XRCC5: variants seen among roughly 807,000 people sequenced by gnomAD.
XRCC5 encodes the protein DNA repair protein Ku80.
XRCC5 carries 12 observed loss-of-function variants against 95.7 expected under a neutral mutation model. The ratio of observed to expected loss-of-function variants is 0.13; its 90% confidence interval spans 0.08 to 0.20. The LOEUF is 0.20. Ranked by LOEUF, XRCC5 falls within the 10% of genes least tolerant of loss-of-function variation. XRCC5 has a pLI of 1.00. For synonymous variants in XRCC5, 281 were observed against 290.3 expected, an observed-to-expected ratio of 0.97 and a Z score of 0.33; for missense variants, 595 against 873.9, an observed-to-expected ratio of 0.68 and a Z score of 4.02.
chr2:216,204,058 G>T (rs1360135516), intron 19 of XRCC5: 8 of 461,800 alleles, frequency 1.7e-5, no homozygotes, highest in South Asian at 1.7e-4. Context: ...ACACTGTCTC[G>T]ACAAGCCATG....
chr2:216,182,734 T>G (rs1387519334), intron 16 of XRCC5, among the ~76,000 whole-genome samples: 1 of 152,226 alleles, frequency 6.6e-6, no homozygotes, highest in Non-Finnish European at 1.5e-5. Flanking sequence ...TTAAGTGTAC[T>G]CCGTTGTAGA....
intron 10 of XRCC5, among the ~76,000 whole-genome samples, chr2:216,136,035 T>TTA (rs1368080116): frequency 6.6e-6 from 1 of 152,126 alleles, no homozygotes; most frequent in East Asian, 1.9e-4. Flanking sequence ...GCAGGCAGTC[T>TTA]AAGTCTAGAT....
chr2:216,119,748 C>T (rs1046169961), intron 5 of XRCC5, among the ~76,000 whole-genome samples: 8 of 152,226 alleles, frequency 5.3e-5, no homozygotes, highest in Admixed American at 2.0e-4. Context: ...ATGTATTTCA[C>T]AATTTATTAG....
intron 10 of XRCC5, among the ~76,000 whole-genome samples, chr2:216,132,783 C>T (rs1697015157): frequency 6.6e-6 from 1 of 152,130 alleles, no homozygotes; most frequent in South Asian, 2.1e-4. Flanking sequence ...TCTCTTGGTA[C>T]TCTTCCTGCC....
intron 14 of XRCC5, among the ~76,000 whole-genome samples, chr2:216,149,085 C>T (rs1198041320): frequency 6.6e-6 from 1 of 151,916 alleles, no homozygotes; most frequent in Non-Finnish European, 1.5e-5. Flanking sequence ...GAATCTTTTC[C>T]CCTTTTTTAT....
chr2:216,200,451 G>C, intron 19 of XRCC5, among the ~76,000 whole-genome samples: 1 of 152,112 alleles, frequency 6.6e-6, no homozygotes, highest in East Asian at 1.9e-4. Flanking sequence ...TACAAGAAAA[G>C]TAATAATGAA....
At chr2:216,198,390 T>C (rs570114690) in intron 19 of XRCC5, among the ~76,000 whole-genome samples, 1 of 152,340 alleles carries the variant, frequency 6.6e-6, no homozygotes, top group East Asian at 1.9e-4. Context: ...CTGTCAGTTC[T>C]CATTAGTATA....
rs1696994749 is a variant in XRCC5, at chr2:216,131,599, A to G, written c.1050+612A>G. The stretch of plus-strand genomic sequence containing the variant: ...TAAGGGGGTGGGGGGAGAGACATGC[A>G]GTACTTATTTTTGATTTAATTTCTC... On this transcript the variant is annotated intron_variant, in intron 9 of 20. Transcript: ENST00000392132. 2.6e-5 allele frequency among the ~76,000 whole-genome samples: 4 copies of G among 152,264 alleles called. No individual in the cohort carries two copies. In the South Asian group the frequency reaches 8.3e-4, roughly 32 times the overall value.
intron 6 of XRCC5, among the ~76,000 whole-genome samples, chr2:216,122,710 A>ATTT (rs367910761): frequency 6.7e-6 from 1 of 148,602 alleles, no homozygotes; most frequent in Non-Finnish European, 1.5e-5. Context: ...TGGTATAGTG[A>ATTT]TTTTTTTTTT....
chr2:216,122,855 C>G (rs1696835322), intron 6 of XRCC5, among the ~76,000 whole-genome samples: 1 of 151,992 alleles, frequency 6.6e-6, no homozygotes, highest in African/African-American at 2.4e-5. Context: ...CCTTGAAGTA[C>G]CGTATAACAA....
intron 16 of XRCC5, among the ~76,000 whole-genome samples, chr2:216,162,468 T>A (rs1688971332): frequency 6.6e-6 from 1 of 151,788 alleles, no homozygotes; most frequent in Middle Eastern, 3.4e-3. Flanking sequence ...ATGGCATGAT[T>A]TCAGCACACC....
At position 216,168,559 on chromosome 2, in the gene XRCC5, TC is replaced by T. The variant is rs1202833375; in HGVS notation, c.1834+6513del. On this transcript the variant is annotated intron_variant, in intron 16 of 20. Coordinates refer to ENST00000392132, the MANE Select transcript of XRCC5 (RefSeq NM_021141.4). ...CCCAGCCTTTAAAATCCTTTTAAGT[TC>T]CTGTCAATCTGTATCAGAATATCCC... Among the ~76,000 whole-genome samples the T allele has an allele frequency of 3.3e-5, 5 of 152,342 alleles. No individual in the cohort carries two copies. In the East Asian group the frequency reaches 9.6e-4, roughly 29 times the overall value.
intron 2 of XRCC5, among the ~76,000 whole-genome samples, chr2:216,114,752 T>G (rs1193005115): frequency 6.6e-6 from 1 of 152,190 alleles, no homozygotes; most frequent in African/African-American, 2.4e-5. Context: ...CTATAATCCT[T>G]AAGGTTTCGA....
chr2:216,134,878 A>G (rs913563829), intron 10 of XRCC5, among the ~76,000 whole-genome samples: 1 of 152,216 alleles, frequency 6.6e-6, no homozygotes, highest in Non-Finnish European at 1.5e-5. Flanking sequence ...TAGAACATAC[A>G]TGTTTCATAT....
intron 1 of XRCC5, among the ~76,000 whole-genome samples, chr2:216,111,915 T>C (rs1389085922): frequency 6.6e-6 from 1 of 152,230 alleles, no homozygotes; most frequent in African/African-American, 2.4e-5. Context: ...TCCCGATTGC[T>C]ATTATCTTTT....
chr2:216,111,005 A>G (rs1696582344), intron 1 of XRCC5, among the ~76,000 whole-genome samples: 1 of 152,216 alleles, frequency 6.6e-6, no homozygotes, highest in African/African-American at 2.4e-5. Context: ...ATATAACCAC[A>G]TTTAGAAATC....
intron 15 of XRCC5, 106 bp from the exon 16 acceptor site, chr2:216,161,873 T>G: frequency 2.1e-6 from 2 of 932,508 alleles, no homozygotes; most frequent in Non-Finnish European, 1.7e-6. Flanking sequence ...GTCTTTGGTT[T>G]TATTTTATAA....
At chr2:216,129,400 T>C (rs41299798) in intron 8 of XRCC5, among the ~76,000 whole-genome samples, 1 of 152,356 alleles carries the variant, frequency 6.6e-6, no homozygotes, top group African/African-American at 2.4e-5. Flanking sequence ...GGTTAAATGT[T>C]GTAGTCTATT....
Position 216,138,328 on chromosome 2 carries a change from G to A in XRCC5, c.1342+149G>A, listed in dbSNP as rs997187036. The A allele has an allele frequency of 1.7e-5, 12 of 710,782 alleles. No homozygotes were observed. In the Admixed American group the frequency reaches 3.0e-4, roughly 18 times the overall value. The allele number at this position is 710,782 out of a possible 1,614,324, so 44.0% of individuals were successfully genotyped here. A position where few individuals can be genotyped will look rare whatever the true frequency, so the allele number is the denominator to read the frequency against. On this transcript the variant is annotated intron_variant, in intron 12 of 20. Coordinates refer to ENST00000392132, the MANE Select transcript of XRCC5 (RefSeq NM_021141.4). ...TACACTTAGACACAGTAATGATGAAGGTGGTTTACTTGGTGTTTTTCCAGT... is the reference window on the plus strand; with the variant it reads ...TACACTTAGACACAGTAATGATGAAAGTGGTTTACTTGGTGTTTTTCCAGT...
Sources: gnomAD v4.1 joint callset for allele counts (sites outside exome capture counted in the v4.1 genomes callset) on GRCh38, gnomAD v4.1.1 for gene constraint, MANE v1.5 for transcripts, NCBI Gene and HGNC (gene_info 2026-07-23, HGNC 2026-07-21) for gene names.